The following NRXN1 variants were observed in gnomAD, a reference collection of about 807,000 sequenced individuals.
NRXN1 encodes neurexin-1.
In NRXN1, 39 loss-of-function variants were observed where a neutral mutation model predicts 150.9. The ratio of observed to expected loss-of-function variants is 0.26; its 90% CI spans 0.20 to 0.34. The LOEUF is 0.34. Among genes scored for constraint, NRXN1 ranks in the 10% least tolerant of loss-of-function variants. The pLI, the probability that NRXN1 is intolerant of heterozygous loss-of-function variation, is 1.00. For missense variants in NRXN1, 1,815 were observed against 1,949.9 expected, an observed-to-expected ratio of 0.93 and a Z score of 1.30; for synonymous variants, 924 against 757.0, an observed-to-expected ratio of 1.22 and a Z score of -3.62.
chr2:50,441,587 T>C (rs988502935), intron 17 of NRXN1, among the ~76,000 whole-genome samples: 3 of 152,050 alleles, frequency 2.0e-5, no homozygotes, highest in African/African-American at 7.2e-5. Context: ...AGGAAAAGAA[T>C]GGGGTTGTGC....
intron 17 of NRXN1, among the ~76,000 whole-genome samples, chr2:50,271,715 T>G (rs1247731310): frequency 1.3e-5 from 2 of 152,186 alleles, no homozygotes; most frequent in Non-Finnish European, 2.9e-5. Context: ...TATTTTAAAT[T>G]AATTTATTAG....
chr2:49,992,203 C>T (rs1226226338), intron 21 of NRXN1, among the ~76,000 whole-genome samples: 3 of 151,896 alleles, frequency 2.0e-5, no homozygotes, highest in Non-Finnish European at 4.4e-5. Flanking sequence ...AAGGATGATC[C>T]ATGAGAGAAA....
At chr2:50,800,619 G>A (rs1029059353) in intron 5 of NRXN1, among the ~76,000 whole-genome samples, 33 of 151,904 alleles carry the variant, frequency 2.2e-4, no homozygotes, top group African/African-American at 7.5e-4. Flanking sequence ...GCGCGATCTC[G>A]GCTCACTGCA....
chr2:50,146,128 G>A (rs1707975877), intron 18 of NRXN1, among the ~76,000 whole-genome samples: 2 of 151,524 alleles, frequency 1.3e-5, no homozygotes, highest in South Asian at 2.1e-4. Flanking sequence ...GAGAGAAGGC[G>A]GGTTAAACTG....
intron 17 of NRXN1, among the ~76,000 whole-genome samples, chr2:50,314,917 G>C (rs2075470966): frequency 6.6e-6 from 1 of 151,884 alleles, no homozygotes; most frequent in South Asian, 2.1e-4. Context: ...AAAGGCAGGT[G>C]ATCTCAACAT....
intron 17 of NRXN1, among the ~76,000 whole-genome samples, chr2:50,276,825 C>A (rs951071233): frequency 6.6e-5 from 10 of 152,030 alleles, no homozygotes; most frequent in Non-Finnish European, 7.4e-5. Flanking sequence ...GGGGAAAAGA[C>A]CCTTCAATAG....
intron 18 of NRXN1, among the ~76,000 whole-genome samples, chr2:50,200,019 T>A (rs1397656858): frequency 6.6e-6 from 1 of 152,170 alleles, no homozygotes; most frequent in Non-Finnish European, 1.5e-5. Flanking sequence ...GAGTAACCTA[T>A]TAAGGAACAG....
chr2:49,952,752 A>C (rs531054835), intron 21 of NRXN1, among the ~76,000 whole-genome samples: 2 of 152,208 alleles, frequency 1.3e-5, no homozygotes, highest in South Asian at 4.1e-4. Context: ...ACTGATTAAA[A>C]TCCTTCCAAC....
intron 5 of NRXN1, among the ~76,000 whole-genome samples, chr2:50,663,766 G>A (rs1477308025): frequency 1.3e-5 from 2 of 151,932 alleles, no homozygotes; most frequent in African/African-American, 4.8e-5. Context: ...CAATCTATGT[G>A]TGTCACAGTA....
chr2:50,252,351 T>C (rs2067208972), intron 17 of NRXN1, among the ~76,000 whole-genome samples: 1 of 150,238 alleles, frequency 6.7e-6, no homozygotes, highest in African/African-American at 2.5e-5. Context: ...CTCTGTCTCT[T>C]GGGTTCAAGT....
intron 18 of NRXN1, among the ~76,000 whole-genome samples, chr2:50,213,094 T>C (rs1401345369): frequency 6.6e-6 from 1 of 151,914 alleles, no homozygotes; most frequent in Admixed American, 6.6e-5. Flanking sequence ...CTGGTTGTTG[T>C]CTTTGACATT....
At chr2:50,420,181 A>G (rs1027148815) in intron 17 of NRXN1, among the ~76,000 whole-genome samples, 27 of 152,068 alleles carry the variant, frequency 1.8e-4, no homozygotes, top group Admixed American at 2.0e-4. Flanking sequence ...GTATCCAAGA[A>G]AAGTAAAACA....
chr2:50,440,417 T>C (rs1395634492), intron 17 of NRXN1, among the ~76,000 whole-genome samples: 1 of 151,856 alleles, frequency 6.6e-6, no homozygotes, highest in Non-Finnish European at 1.5e-5. Flanking sequence ...ATTATTATTA[T>C]TATTATTTAG....
At chr2:50,840,886 G>A (rs551825308) in intron 5 of NRXN1, among the ~76,000 whole-genome samples, 14 of 152,234 alleles carry the variant, frequency 9.2e-5, no homozygotes, top group Middle Eastern at 3.4e-3. Flanking sequence ...CAGGTTGTCA[G>A]AAGAAGATGC....
intron 2 of NRXN1, among the ~76,000 whole-genome samples, chr2:50,998,767 T>G (rs1205052495): frequency 1.3e-5 from 2 of 152,080 alleles, no homozygotes; most frequent in Non-Finnish European, 2.9e-5. Context: ...TTTATAAATT[T>G]TGGTACAACA....
intron 21 of NRXN1, among the ~76,000 whole-genome samples, chr2:50,027,945 G>A (rs1688605414): frequency 6.6e-6 from 1 of 152,014 alleles, no homozygotes; most frequent in South Asian, 2.1e-4. Context: ...TTTTCTCTGG[G>A]CTAACATTCT....
Position 49,922,164 on chromosome 2 carries a change from A to C in NRXN1, c.4304T>G (p.Val1435Gly). The C allele has an allele frequency of 6.2e-7, 1 of 1,614,086 alleles. No individual in the cohort carries two copies. Among genetic ancestry groups the C allele is most frequent in the Non-Finnish European group, 8.5e-7 (1 of 1,180,024 alleles). The change falls in exon 23 of 23, where the codon GTT (valine) becomes GGT (glycine). Residue 1435 changes from valine to glycine, a missense_variant. Val to Gly is a moderately radical substitution (Grantham distance 109). Coordinates refer to ENST00000401669, the MANE Select transcript of NRXN1 (RefSeq NM_001330078.2). ...RESSSTTGMV[V>G]GIVAAAALCI... ...CAGGGCGGCAGCGGCTACTATCCCA[A>C]CGACCATACCCGTGGTGCTGCTGGA... is the stretch of plus-strand genomic sequence containing the variant.
chr2:50,204,924 C>T (rs2062454711), intron 18 of NRXN1, among the ~76,000 whole-genome samples: 1 of 152,004 alleles, frequency 6.6e-6, no homozygotes, highest in African/African-American at 2.4e-5. Flanking sequence ...CTACTAAAGC[C>T]ACTAATCTCT....
At chr2:50,425,974 A>G (rs998569781) in intron 17 of NRXN1, among the ~76,000 whole-genome samples, 6 of 152,050 alleles carry the variant, frequency 3.9e-5, no homozygotes, top group African/African-American at 7.3e-5. Context: ...TCATATCCCA[A>G]CCTCTGTGTG....
Sources: gnomAD v4.1 joint callset for allele counts (sites outside exome capture counted in the v4.1 genomes callset) on GRCh38, gnomAD v4.1.1 for gene constraint, MANE v1.5 for transcripts, NCBI Gene and HGNC (gene_info 2026-07-23, HGNC 2026-07-21) for gene names.